Variants in TMEM204 observed in about 807,000 individuals in gnomAD.
The protein encoded by TMEM204 is claudin-like protein 24.
TMEM204 carries 15 observed loss-of-function variants against 19.4 expected under a neutral mutation model. The observed-to-expected ratio is 0.77, with a 90% CI of 0.52 to 1.19. The LOEUF is 1.19. Ranked by LOEUF, TMEM204 falls within the 50% of genes most tolerant of loss-of-function variation. The pLI is 0.00. For missense variants in TMEM204, 287 were observed against 321.2 expected (o/e 0.89, Z 0.81); for synonymous variants, 161 against 146.0 (o/e 1.10, Z -0.74).
upstream of TMEM204, chr16:1,530,764 C>T (rs1437859418): frequency 6.7e-6 from 1 of 149,700 alleles, no homozygotes; most frequent in Non-Finnish European, 1.5e-5. Flanking sequence ...CCTGGTTTTG[C>T]TCTGGTTCCT....
intron 1 of TMEM204, among the ~76,000 whole-genome samples, chr16:1,536,190 C>A (rs759143363): frequency 2.0e-5 from 3 of 152,258 alleles, no homozygotes; most frequent in Non-Finnish European, 4.4e-5. Flanking sequence ...GCCCAGGCAG[C>A]CCAATCTCAG....
At chr16:1,541,386 C>T (rs2031618998) in intron 1 of TMEM204, 1 of 985,288 alleles carries the variant, frequency 1.0e-6, no homozygotes, top group Non-Finnish European at 1.2e-6. Context: ...GGTCCCAAGT[C>T]CCTCAGCTGC....
intron 2 of TMEM204, among the ~76,000 whole-genome samples, chr16:1,550,872 G>A (rs749502174): frequency 2.0e-5 from 3 of 152,222 alleles, no homozygotes; most frequent in African/African-American, 7.2e-5. Context: ...TGACCCTAGC[G>A]TGGTCCCCGG....
intron 1 of TMEM204, among the ~76,000 whole-genome samples, chr16:1,538,024 C>T (rs1462364354): frequency 3.3e-5 from 5 of 151,540 alleles, no homozygotes; most frequent in Admixed American, 6.6e-5. Context: ...CGCACAGCCA[C>T]GCAGAGCCAC....
intron 2 of TMEM204, among the ~76,000 whole-genome samples, chr16:1,548,555 T>C (rs1728482836): frequency 6.6e-6 from 1 of 152,266 alleles, no homozygotes; most frequent in South Asian, 2.1e-4. Context: ...CATTTGTTTC[T>C]AGACAAACTG....
At chr16:1,552,734 C>T (rs971386372) in intron 2 of TMEM204, among the ~76,000 whole-genome samples, 3 of 151,338 alleles carry the variant, frequency 2.0e-5, no homozygotes, top group Non-Finnish European at 2.9e-5. Context: ...CTGCAACCTC[C>T]GCCTCTTGGG....
intron 2 of TMEM204, among the ~76,000 whole-genome samples, chr16:1,545,853 G>A (rs972956164): frequency 6.6e-5 from 10 of 152,208 alleles, no homozygotes; most frequent in African/African-American, 1.9e-4. Flanking sequence ...TGCTCAGCAC[G>A]ACGTCTGGGT....
In TMEM204 at chr16:1,536,209, G is replaced by T. The variant is rs1027001516; in HGVS notation, c.280+1654G>T. On this transcript the variant is annotated intron_variant, in intron 1 of 2. Transcript: ENST00000566264. ...AGGCAGCCCAATCTCAGGGCAGCTG[G>T]AAGCCTTGGCGCCCCTCCCTGTTGC... is the stretch of plus-strand genomic sequence containing the variant. Among the ~76,000 whole-genome samples, 5 of 152,372 alleles carry T rather than the reference G, an allele frequency of 3.3e-5. No individual in the cohort carries two copies. The South Asian group carries it at 8.3e-4, about 25-fold the overall frequency.
chr16:1,530,234 G>C (rs541656875), upstream of TMEM204, among the ~76,000 whole-genome samples: 1 of 149,000 alleles, frequency 6.7e-6, no homozygotes, highest in Non-Finnish European at 1.5e-5. Flanking sequence ...TGCCTCCCGA[G>C]TGATTCTCCT....
intron 1 of TMEM204, among the ~76,000 whole-genome samples, chr16:1,539,929 A>G (rs2031468313): frequency 6.6e-6 from 1 of 152,150 alleles, no homozygotes; most frequent in African/African-American, 2.4e-5. Context: ...TGGAGGTCTC[A>G]GGGCTGGGGG....
In TMEM204 at chr16:1,553,638, CAG is replaced by C. The variant is rs758603875; in HGVS notation, c.437-1139_437-1138del. 2.2e-4 allele frequency: 231 copies of C among 1,059,054 alleles called. No homozygotes were observed. The highest frequency in any genetic ancestry group is 2.6e-4 in the Non-Finnish European group (226 of 871,590). The allele number at this position is 1,059,054 out of a possible 1,614,324, so 65.6% of individuals were successfully genotyped here. On this transcript the variant is annotated intron_variant, in intron 2 of 2. Transcript: ENST00000566264. The surrounding 1 kb of genome is among the most constrained non-coding windows in gnomAD (Gnocchi z 4.4). The stretch of plus-strand genomic sequence containing the variant: ...AACAGACTCACTCAGGTTACTGTAA[CAG>C]AGAGGGAGGGGTGCTGGGTGGGCAG...
chr16:1,554,105 A>G, intron 2 of TMEM204: 2 of 1,287,170 alleles, frequency 1.6e-6, no homozygotes, highest in South Asian at 2.5e-5. Flanking sequence ...CTAGAACGAG[A>G]AGCACTGACT....
At position 1,552,984 on chromosome 16, in the gene TMEM204, C is replaced by T. The variant is rs1207451625; in HGVS notation, c.437-1798C>T. 5 of 985,244 alleles carry T rather than the reference C, an allele frequency of 5.1e-6. No homozygotes were observed. The African/African-American group carries it at 8.7e-5, about 17-fold the overall frequency. 61.0% of individuals were successfully genotyped at this position (985,244 alleles called of 1,614,324 possible). On this transcript the variant is annotated intron_variant, in intron 2 of 2. Coordinates refer to ENST00000566264, the MANE Select transcript of TMEM204 (RefSeq NM_024600.6). ...GTTATTTTTAATAAAACAGAAGTAT[C>T]CAGGAGCTACCCATGTATAAGAAGC...
chr16:1,552,090 A>G (rs1483147948), intron 2 of TMEM204, among the ~76,000 whole-genome samples: 1 of 152,116 alleles, frequency 6.6e-6, no homozygotes, highest in African/African-American at 2.4e-5. Flanking sequence ...CCACTGTTCC[A>G]TTCGGATGAA....
In TMEM204 at chr16:1,551,165, A is replaced by G. The variant is rs2032603325; in HGVS notation, c.437-3617A>G. 6.6e-6 allele frequency among the ~76,000 whole-genome samples: 1 copy of G among 152,240 alleles called. No homozygotes were observed. Among genetic ancestry groups the G allele is most frequent in the South Asian group, 2.1e-4 (1 of 4,832 alleles). On this transcript the variant is annotated intron_variant, in intron 2 of 2. Coordinates refer to ENST00000566264, the MANE Select transcript of TMEM204 (RefSeq NM_024600.6). The surrounding 1 kb of genome is among the most constrained non-coding windows in gnomAD (Gnocchi z 4.0). ...CGATTAACTCAAAAAGTAATTGCGG[A>G]GAGACTTCTGGGAAGCTGTGGTCAA... is the stretch of plus-strand genomic sequence containing the variant.
intron 2 of TMEM204, among the ~76,000 whole-genome samples, chr16:1,546,037 C>G (rs896138312): frequency 9.2e-5 from 14 of 152,242 alleles, no homozygotes; most frequent in Admixed American, 9.2e-4. Flanking sequence ...AGCTTCTCCC[C>G]TCTCCTCCTC....
At chr16:1,537,891 C>T (rs1049363638) in intron 1 of TMEM204, among the ~76,000 whole-genome samples, 3 of 152,196 alleles carry the variant, frequency 2.0e-5, no homozygotes, top group Non-Finnish European at 2.9e-5. Context: ...ACACATCAAA[C>T]GGGCACGTAA....
At position 1,545,045 on chromosome 16, in the gene TMEM204, C is replaced by T. The variant is rs1340443663; in HGVS notation, c.436+2969C>T. On this transcript the variant is annotated intron_variant, in intron 2 of 2. Transcript: ENST00000566264. ...CATGTCGAAAATGACAGCTTACTTC[C>T]TGCAAAATCTTATTTCAGGACAAGA... Among the ~76,000 whole-genome samples, 5 of 152,202 alleles carry T rather than the reference C, an allele frequency of 3.3e-5. No individual in the cohort carries two copies. The East Asian group carries it at 7.7e-4, about 23-fold the overall frequency.
chr16:1,546,278 G>A (rs917618520), intron 2 of TMEM204, among the ~76,000 whole-genome samples: 2 of 152,230 alleles, frequency 1.3e-5, no homozygotes, highest in Non-Finnish European at 2.9e-5. Flanking sequence ...AGGCAGCCTA[G>A]GCCGGGAGGC....
Sources: gnomAD v4.1 joint callset for allele counts (sites outside exome capture counted in the v4.1 genomes callset) on GRCh38, gnomAD v4.1.1 for gene constraint, Gnocchi (gnomAD v3.1) non-coding constraint, MANE v1.5 for transcripts, NCBI Gene and HGNC (gene_info 2026-07-23, HGNC 2026-07-21) for gene names.